AGMO: variants seen among roughly 807,000 people sequenced by gnomAD.
AGMO encodes the protein alkylglycerol monooxygenase.
A neutral mutation model predicts 60.2 loss-of-function variants in AGMO; 75 were observed. The observed-to-expected ratio is 1.25, with a 90% CI of 1.03 to 1.51. AGMO has a LOEUF of 1.51. AGMO is among the 40% of genes most tolerant of loss of function. AGMO has a pLI of 0.00. For missense variants in AGMO, 763 were observed against 525.5 expected (o/e 1.45, Z -4.42); for synonymous variants, 261 against 177.1 (o/e 1.47, Z -3.76).
chr7:15,322,569 TATATAA>T (rs1781170717), intron 12 of AGMO, among the ~76,000 whole-genome samples: 1 of 48,474 alleles, frequency 2.1e-5, no homozygotes, highest in African/African-American at 1.1e-4. Flanking sequence ...TATATAAATA[TATATAA>T]ATATATATAA....
intron 12 of AGMO, among the ~76,000 whole-genome samples, chr7:15,347,215 T>C (rs965210787): frequency 1.3e-5 from 2 of 152,048 alleles, no homozygotes; most frequent in African/African-American, 4.8e-5. Flanking sequence ...CGTACAACCG[T>C]ATATACATAC....
At chr7:15,425,183 C>T (rs916005424) in intron 4 of AGMO, among the ~76,000 whole-genome samples, 4 of 152,108 alleles carry the variant, frequency 2.6e-5, no homozygotes, top group Non-Finnish European at 5.9e-5. Flanking sequence ...GAGACTCAAA[C>T]ATTAATTGAT....
intron 12 of AGMO, among the ~76,000 whole-genome samples, chr7:15,299,089 T>C (rs1784483634): frequency 6.6e-6 from 1 of 152,158 alleles, no homozygotes; most frequent in African/African-American, 2.4e-5. Context: ...AACACCCCAG[T>C]AGTTGGATTC....
intron 10 of AGMO, among the ~76,000 whole-genome samples, chr7:15,374,285 G>T (rs184158507): frequency 1.4e-3 from 211 of 152,146 alleles, no homozygotes; most frequent in Non-Finnish European, 2.1e-3. Context: ...AGCATACTAA[G>T]AGGAATATAA....
At chr7:15,121,326 G>A in the AGMO span, among the ~76,000 whole-genome samples, 3 of 151,932 alleles carry the variant, frequency 2.0e-5, no homozygotes, top group Non-Finnish European at 4.4e-5. Context: ...TAATCCTTTG[G>A]GTATATACCC....
intron 12 of AGMO, among the ~76,000 whole-genome samples, chr7:15,289,117 CA>C (rs976061346): frequency 4.2e-4 from 63 of 150,658 alleles, no homozygotes; most frequent in African/African-American, 1.1e-3. Context: ...TTCTTATTTA[CA>C]AAAAAAAATC....
At chr7:15,204,947 C>T (rs893781695) in intron 12 of AGMO, among the ~76,000 whole-genome samples, 3 of 152,140 alleles carry the variant, frequency 2.0e-5, no homozygotes, top group African/African-American at 7.2e-5. Flanking sequence ...CCCATCTCAG[C>T]CTCCCTAGTT....
At chr7:15,395,190 C>A (rs561900424) in intron 5 of AGMO, among the ~76,000 whole-genome samples, 1 of 152,246 alleles carries the variant, frequency 6.6e-6, no homozygotes, top group East Asian at 1.9e-4. Context: ...AGACATGACT[C>A]ACTTTTAGGG....
intron 10 of AGMO, among the ~76,000 whole-genome samples, chr7:15,371,970 C>G (rs1583470477): frequency 6.6e-6 from 1 of 151,392 alleles, no homozygotes. Context: ...AATATTTATC[C>G]CTTTAATTCC....
intron 3 of AGMO, among the ~76,000 whole-genome samples, chr7:15,511,628 T>C (rs1783675798): frequency 6.6e-6 from 1 of 152,056 alleles, no homozygotes; most frequent in Admixed American, 6.6e-5. Flanking sequence ...AGAGAATAGA[T>C]CTTAAGTATT....
intron 3 of AGMO, among the ~76,000 whole-genome samples, chr7:15,474,135 T>A (rs750814835): frequency 6.6e-6 from 1 of 152,080 alleles, no homozygotes; most frequent in African/African-American, 2.4e-5. Flanking sequence ...CCAAAGTAAT[T>A]TACAGATTCA....
chr7:15,166,259 G>T, the AGMO span, among the ~76,000 whole-genome samples: 1 of 152,070 alleles, frequency 6.6e-6, no homozygotes, highest in East Asian at 1.9e-4. Context: ...AAGGATGCTT[G>T]AGCAAAGACT....
chr7:15,369,940 A>G (rs1031881506), intron 10 of AGMO, among the ~76,000 whole-genome samples: 8 of 152,276 alleles, frequency 5.3e-5, no homozygotes, highest in Non-Finnish European at 7.4e-5. Flanking sequence ...TTCAGGAGAT[A>G]TATTTGCAGG....
At chr7:15,346,999 T>C (rs944861908) in intron 12 of AGMO, among the ~76,000 whole-genome samples, 3 of 152,024 alleles carry the variant, frequency 2.0e-5, no homozygotes, top group Non-Finnish European at 2.9e-5. Context: ...TTTAAATGAT[T>C]CTGTGAAAAG....
At chr7:15,175,237 C>T in the AGMO span, among the ~76,000 whole-genome samples, 1 of 151,646 alleles carries the variant, frequency 6.6e-6, no homozygotes, top group Non-Finnish European at 1.5e-5. Context: ...ATATATTCTT[C>T]CATTTTTCCA....
the AGMO span, among the ~76,000 whole-genome samples, chr7:15,120,759 CTTTCTTTTT>C: frequency 6.6e-6 from 1 of 151,934 alleles, no homozygotes; most frequent in African/African-American, 2.4e-5. Context: ...ATATTTCTTT[CTTTCTTTTT>C]TTTCTTTTTT....
intron 12 of AGMO, among the ~76,000 whole-genome samples, chr7:15,253,135 T>C (rs938184849): frequency 6.6e-6 from 1 of 152,054 alleles, no homozygotes; most frequent in African/African-American, 2.4e-5. Flanking sequence ...ATGAAAGAAA[T>C]AACGGCATAG....
At chr7:15,258,844 T>C (rs1385921482) in intron 12 of AGMO, among the ~76,000 whole-genome samples, 1 of 152,074 alleles carries the variant, frequency 6.6e-6, no homozygotes, top group East Asian at 1.9e-4. Flanking sequence ...ACAGTTTGGC[T>C]CTCAGGAAGC....
At position 15,530,471 on chromosome 7, in the gene AGMO, T is replaced by C. The variant is rs185363844; in HGVS notation, c.409+14301A>G. ...TATACGTATTTCTATATATATATTC[T>C]ATATACGTATTTCTATATATATTCT... On this transcript the variant is annotated intron_variant, in intron 3 of 12. Coordinates refer to ENST00000342526, the MANE Select transcript of AGMO (RefSeq NM_001004320.2). 3.3e-3 allele frequency among the ~76,000 whole-genome samples: 377 copies of C among 115,032 alleles called. 10 individuals are homozygous for C. The highest frequency in any genetic ancestry group is 0.012 in the African/African-American group (347 of 29,194). The allele number at this position is 115,032 out of a possible 152,430, so 75.5% of individuals were successfully genotyped here.
Sources: gnomAD v4.1 joint callset for allele counts (sites outside exome capture counted in the v4.1 genomes callset) on GRCh38, gnomAD v4.1.1 for gene constraint, MANE v1.5 for transcripts, NCBI Gene and HGNC (gene_info 2026-07-23, HGNC 2026-07-21) for gene names.